Variants in TMEM132D observed in about 807,000 individuals in gnomAD.
TMEM132D encodes the protein transmembrane protein 132D.
In TMEM132D, 21 loss-of-function variants were observed where a neutral mutation model predicts 62.3. That is an observed-to-expected ratio of 0.34 (90% CI 0.24 to 0.49). The LOEUF (loss-of-function observed/expected upper bound fraction) is 0.49, where lower values mean the gene tolerates loss of function less well. TMEM132D is among the 20% of genes least tolerant of loss of function. The pLI is 0.99. For synonymous variants in TMEM132D, 621 were observed against 575.6 expected (o/e 1.08, Z -1.13); for missense variants, 1,346 against 1,402.8 (o/e 0.96, Z 0.65).
At chr12:129,794,253 A>AT (rs3046861) in intron 1 of TMEM132D, among the ~76,000 whole-genome samples, 4,081 of 111,500 alleles carry the variant, frequency 0.037, 198 homozygotes, top group Middle Eastern at 0.088. Context: ...CATGCCCAGC[A>AT]TTTTTTTTTT....
chr12:129,686,392 G>T (rs1030943593), intron 2 of TMEM132D, among the ~76,000 whole-genome samples: 4 of 152,066 alleles, frequency 2.6e-5, no homozygotes, highest in African/African-American at 9.7e-5. Context: ...TTTCCCCTTT[G>T]CTCAGCACTT....
chr12:129,886,490 A>T (rs575217795), intron 1 of TMEM132D, among the ~76,000 whole-genome samples: 1 of 152,192 alleles, frequency 6.6e-6, no homozygotes, highest in Non-Finnish European at 1.5e-5. Context: ...AAACATCCCC[A>T]TTCCCAAACT....
chr12:129,101,640 G>A (rs137859408), intron 5 of TMEM132D, among the ~76,000 whole-genome samples: 6 of 152,298 alleles, frequency 3.9e-5, no homozygotes, highest in South Asian at 2.1e-4. Context: ...TGCAGATCTC[G>A]GGTTTGGAGG....
chr12:129,519,263 C>A (rs1351905228), intron 3 of TMEM132D, among the ~76,000 whole-genome samples: 1 of 152,100 alleles, frequency 6.6e-6, no homozygotes, highest in African/African-American at 2.4e-5. Flanking sequence ...TCGGGGACTA[C>A]CAGAGTAGCT....
chr12:129,455,089 T>C (rs10847880), intron 3 of TMEM132D, among the ~76,000 whole-genome samples: 48,352 of 152,188 alleles, frequency 0.32, 7,959 homozygotes, highest in Non-Finnish European at 0.36. Flanking sequence ...CAATGAATAA[T>C]TCTGCTGCTG....
chr12:129,235,558 T>C (rs200090104), intron 4 of TMEM132D, among the ~76,000 whole-genome samples: 4 of 152,194 alleles, frequency 2.6e-5, no homozygotes, highest in East Asian at 1.9e-4. Flanking sequence ...GGCTGAGTAA[T>C]ATTTTATTAT....
At chr12:129,719,865 G>A (rs1016676961) in intron 1 of TMEM132D, among the ~76,000 whole-genome samples, 1 of 152,068 alleles carries the variant, frequency 6.6e-6, no homozygotes, top group African/African-American at 2.4e-5. Context: ...TTAAAAATAG[G>A]GCTTTTGTGG....
intron 3 of TMEM132D, among the ~76,000 whole-genome samples, chr12:129,428,043 A>G (rs906087441): frequency 3.7e-4 from 56 of 152,078 alleles, no homozygotes; most frequent in African/African-American, 1.3e-3. Context: ...GATTCCACCT[A>G]CCCAATAAAC....
At chr12:129,859,160 G>C (rs978235967) in intron 1 of TMEM132D, among the ~76,000 whole-genome samples, 59 of 152,088 alleles carry the variant, frequency 3.9e-4, no homozygotes, top group South Asian at 1.5e-3. Flanking sequence ...TGCCATCTCC[G>C]AACCAGAAAC....
chr12:129,720,572 AATG>A (rs1868785016), intron 1 of TMEM132D, among the ~76,000 whole-genome samples: 1 of 152,186 alleles, frequency 6.6e-6, no homozygotes, highest in South Asian at 2.1e-4. Context: ...CTTGCTCTGA[AATG>A]ATGACAGTGC....
chr12:129,094,826 T>G (rs183617656), intron 5 of TMEM132D, among the ~76,000 whole-genome samples: 1 of 152,206 alleles, frequency 6.6e-6, no homozygotes, highest in Non-Finnish European at 1.5e-5. Context: ...ATGTGGCACA[T>G]ATACACCATG....
At chr12:129,320,428 G>A (rs979840) in intron 4 of TMEM132D, among the ~76,000 whole-genome samples, 5,199 of 152,240 alleles carry the variant, frequency 0.034, 274 homozygotes, top group East Asian at 0.26. Flanking sequence ...ACACTGTGCA[G>A]GAGACTACTG....
chr12:129,387,388 CT>C (rs1216210113), intron 3 of TMEM132D, among the ~76,000 whole-genome samples: 3 of 151,982 alleles, frequency 2.0e-5, no homozygotes, highest in Non-Finnish European at 1.5e-5. Flanking sequence ...CTAACAAACA[CT>C]AACATCAACA....
intron 3 of TMEM132D, among the ~76,000 whole-genome samples, chr12:129,372,488 T>C (rs1870642878): frequency 1.3e-5 from 2 of 151,974 alleles, no homozygotes; most frequent in African/African-American, 4.8e-5. Flanking sequence ...AGGAGGTGAG[T>C]AGTGGGCTAG....
rs768179583 is a variant in TMEM132D at position 129,827,995 on chromosome 12, G to T, written c.79+75266C>A. 6.6e-6 allele frequency among the ~76,000 whole-genome samples: 1 copy of T among 152,152 alleles called. No individual in the cohort carries two copies. The highest frequency in any genetic ancestry group is 2.4e-5 in the African/African-American group (1 of 41,440). ...TAATTTATTCTAAGTAAAATGAAGT[G>T]TGCCCTAAAGACAGACTCTGTAAAT... On this transcript the variant is annotated intron_variant, in intron 1 of 8. Transcript: ENST00000422113. This position sits in a 1 kb window ranked among gnomAD's most constrained non-coding sequence, Gnocchi z 9.7.
At chr12:129,578,672 G>A (rs115947334) in intron 2 of TMEM132D, among the ~76,000 whole-genome samples, 5 of 152,030 alleles carry the variant, frequency 3.3e-5, no homozygotes, top group Non-Finnish European at 7.4e-5. Flanking sequence ...GTGATATCAC[G>A]TGAAGGCCAG....
chr12:129,436,022 G>A (rs1268152415), intron 3 of TMEM132D, among the ~76,000 whole-genome samples: 1 of 152,158 alleles, frequency 6.6e-6, no homozygotes, highest in Non-Finnish European at 1.5e-5. Context: ...GAATATGGAT[G>A]ACTCAACTGA....
At chr12:129,813,447 A>T (rs1453728021) in intron 1 of TMEM132D, among the ~76,000 whole-genome samples, 1 of 151,576 alleles carries the variant, frequency 6.6e-6, no homozygotes, top group African/African-American at 2.4e-5. Context: ...AATGGATGCC[A>T]GTGAGGATGT....
chr12:129,653,599 G>A (rs182673714), intron 2 of TMEM132D, among the ~76,000 whole-genome samples: 14 of 152,280 alleles, frequency 9.2e-5, no homozygotes, highest in East Asian at 7.7e-4. Flanking sequence ...CTATCTCCAC[G>A]ACGCCACCAA....
Sources: allele counts gnomAD v4.1 joint callset (sites outside exome capture counted in the v4.1 genomes callset), GRCh38; gene constraint gnomAD v4.1.1; non-coding constraint Gnocchi (gnomAD v3.1); transcripts MANE v1.5; gene names NCBI Gene and HGNC (gene_info 2026-07-23, HGNC 2026-07-21).